RAD52: variants seen among roughly 807,000 people sequenced by gnomAD.
RAD52 encodes the protein DNA repair protein RAD52 homolog.
RAD52 carries 47 observed loss-of-function variants against 55.5 expected under a neutral mutation model. That is an observed-to-expected ratio of 0.85 (90% CI 0.67 to 1.08). The LOEUF (loss-of-function observed/expected upper bound fraction) is 1.08, where lower values mean the gene tolerates loss of function less well. Ranked by LOEUF, RAD52 falls within the 50% of genes least tolerant of loss-of-function variation. RAD52 has a pLI of 0.00. For synonymous variants in RAD52, 184 were observed against 198.9 expected (o/e 0.92, Z 0.63); for missense variants, 468 against 522.8 (o/e 0.90, Z 1.02).
At chr12:972,765 C>CAAA (rs780150903) in intron 1 of RAD52, among the ~76,000 whole-genome samples, 2,463 of 38,348 alleles carry the variant, frequency 0.064, 250 homozygotes, top group African/African-American at 0.21. Flanking sequence ...GACTCCGTCT[C>CAAA]AAAAAAAAAA....
intron 1 of RAD52, chr12:975,851 T>C (rs1958927919): frequency 6.6e-6 from 1 of 152,242 alleles, no homozygotes; most frequent in African/African-American, 2.4e-5. Flanking sequence ...TAGTTATCAT[T>C]ATCATCTTAT....
chr12:915,385 G>A (rs1230863601), intron 9 of RAD52, among the ~76,000 whole-genome samples: 1 of 152,294 alleles, frequency 6.6e-6, no homozygotes, highest in East Asian at 1.9e-4. Context: ...GTGCTGAGGG[G>A]CATATGAATG....
At position 925,436 on chromosome 12, in the gene RAD52, C is replaced by T. The variant is rs1956980535; in HGVS notation, c.543+14G>A. On this transcript the variant is annotated intron_variant, in intron 7 of 11. Transcript: ENST00000358495. Reference sequence around the variant, plus strand: ...CCGCATTATCTTCACTCCACTCATCCATGTCTGATATACCTGGCGTGGAAG... The same window carrying T: ...CCGCATTATCTTCACTCCACTCATCTATGTCTGATATACCTGGCGTGGAAG... The T allele has an allele frequency of 6.2e-7, 1 of 1,606,242 alleles. No individual in the cohort carries two copies. Among genetic ancestry groups the T allele is most frequent in the Admixed American group, 1.7e-5 (1 of 59,996 alleles).
chr12:916,303 T>G, intron 9 of RAD52, 41 bp downstream of exon 9: 1 of 1,595,756 alleles, frequency 6.3e-7, no homozygotes, highest in Non-Finnish European at 8.5e-7. Flanking sequence ...CACTTCCTCC[T>G]GCAGACGCCT....
At chr12:922,039 A>T (rs894457808) in intron 7 of RAD52, among the ~76,000 whole-genome samples, 1 of 151,876 alleles carries the variant, frequency 6.6e-6, no homozygotes, top group Non-Finnish European at 1.5e-5. Flanking sequence ...CCAGAGGCAG[A>T]GGTTGCAGTG....
At position 927,248 on chromosome 12, in the gene RAD52, C is replaced by A; in HGVS notation, c.364G>T (p.Glu122Ter). The change falls in exon 6 of 12, where the codon GAA becomes TAA. Residue 122 changes from glutamate (E) to a stop codon, truncating the protein, a stop_gained. Coordinates refer to ENST00000358495, the MANE Select transcript of RAD52 (RefSeq NM_134424.4). LOFTEE classifies it high-confidence loss of function. Reference sequence around the variant, plus strand: ...TCACTAACACCATAACCAACATCTTCATGATATGAACCATCCTGGGGGCAG... The same window carrying A: ...TCACTAACACCATAACCAACATCTTAATGATATGAACCATCCTGGGGGCAG... ...RVQLKDGSYH[E>*]DVGYGVSEGL... is the part of the protein sequence containing the mutation. 2 of 1,613,836 alleles carry A rather than the reference C, an allele frequency of 1.2e-6. No homozygotes were observed.
upstream of RAD52, among the ~76,000 whole-genome samples, chr12:954,588 C>T (rs569230925): frequency 1.4e-4 from 22 of 152,284 alleles, no homozygotes; most frequent in South Asian, 6.2e-4. Flanking sequence ...GAGCTGAGAT[C>T]GTGCTGCTGC....
rs1208319747 is a variant in RAD52, at chr12:912,734, AAAAAAAAAAAAC to A, written c.*645_*656del. 284 of 139,980 alleles carry A rather than the reference AAAAAAAAAAAAC, an allele frequency of 2.0e-3. 1 individual carries two copies. The highest frequency in any genetic ancestry group is 3.0e-3 in the Non-Finnish European group (190 of 64,048). The allele number at this position is 139,980 out of a possible 1,614,324, so 8.7% of individuals were successfully genotyped here. Reference sequence around the variant, plus strand: ...CCAGACCCCGTCTCAAAAAAAAAAAAAAAAAAAAAAACAAAAAACAGCCTTTTTTCGTGGTCT... The same window carrying A: ...CCAGACCCCGTCTCAAAAAAAAAAAAAAAAAACAGCCTTTTTTCGTGGTCT... On this transcript the variant is annotated 3_prime_UTR_variant, in exon 12 of 12. Coordinates refer to ENST00000358495, the MANE Select transcript of RAD52 (RefSeq NM_134424.4).
chr12:945,788 GC>G (rs1173118345), intron 1 of RAD52, among the ~76,000 whole-genome samples: 1 of 149,742 alleles, frequency 6.7e-6, no homozygotes, highest in Non-Finnish European at 1.5e-5. Flanking sequence ...ACTTTGGGAG[GC>G]CGAGGCAGGC....
intron 1 of RAD52, among the ~76,000 whole-genome samples, chr12:942,018 T>C (rs555278444): frequency 3.3e-5 from 5 of 152,322 alleles, no homozygotes; most frequent in South Asian, 4.1e-4. Context: ...TGTTTAGGTG[T>C]CATTTCTTTC....
At chr12:983,246 C>T (rs574780067) in intron 1 of RAD52, among the ~76,000 whole-genome samples, 1 of 152,136 alleles carries the variant, frequency 6.6e-6, no homozygotes, top group South Asian at 2.1e-4. Context: ...GTATTTATTA[C>T]AGCAGCACTC....
At chr12:924,118 G>A (rs926936846) in intron 7 of RAD52, among the ~76,000 whole-genome samples, 5 of 140,494 alleles carry the variant, frequency 3.6e-5, no homozygotes, top group Admixed American at 2.2e-4. Flanking sequence ...ATGCAAAAAT[G>A]CCTAACAAAG....
chr12:955,689 G>T (rs1328639851), intron 1 of RAD52, among the ~76,000 whole-genome samples: 1 of 151,998 alleles, frequency 6.6e-6, no homozygotes, highest in Non-Finnish European at 1.5e-5. Context: ...GGCCAGGCTG[G>T]TCTCGAGCTC....
At chr12:946,697 C>T (rs914506381) in intron 1 of RAD52, among the ~76,000 whole-genome samples, 2 of 152,152 alleles carry the variant, frequency 1.3e-5, no homozygotes, top group African/African-American at 4.8e-5. Flanking sequence ...CATGGCACTA[C>T]GTATACAGCC....
intron 9 of RAD52, 106 bp from the exon 10 acceptor site, chr12:914,638 CACA>C: frequency 7.4e-7 from 1 of 1,357,902 alleles, no homozygotes; most frequent in East Asian, 2.4e-5. Flanking sequence ...CTCTCCGAAG[CACA>C]ACACCGCTTA....
At position 935,406 on chromosome 12, in the gene RAD52, G is replaced by A. The variant is rs556079845; in HGVS notation, c.-18-2330C>T. ...TTTTTTTTTTTTTTTTTTTGTAAGC[G>A]TTTCGCTCTTGTCGCCTAGGCTGCC... On this transcript the variant is annotated intron_variant, in intron 1 of 11. Transcript: ENST00000358495. Among the ~76,000 whole-genome samples, 690 of 139,512 alleles carry A rather than the reference G, an allele frequency of 4.9e-3. 1 individual carries two copies. Among genetic ancestry groups the A allele is most frequent in the Non-Finnish European group, 8.2e-3 (536 of 65,656 alleles). The allele number at this position is 139,512 out of a possible 152,430, so 91.5% of individuals were successfully genotyped here.
rs1956226613 is a variant in RAD52 at position 914,000 on chromosome 12, C to T, written c.1089G>A (p.Gln363=). The part of the protein sequence containing the change: ...QTSDTLALNN[Q]MVTQNRTPHS... ...GTGGAGTCCTGTTCTGGGTCACCAT[C>T]TGGTTGTTCAAGGCTAATGTGTCAG... The change falls in exon 11 of 12, where the codon CAG becomes CAA. Residue 363 remains glutamine, a synonymous_variant. Coordinates refer to ENST00000358495, the MANE Select transcript of RAD52 (RefSeq NM_134424.4). 6.2e-7 allele frequency: 1 copy of T among 1,614,178 alleles called. No homozygotes were observed. Among genetic ancestry groups the T allele is most frequent in the African/African-American group, 1.3e-5 (1 of 75,028 alleles).
chr12:973,702 C>T (rs1306109035), intron 1 of RAD52, among the ~76,000 whole-genome samples: 1 of 151,556 alleles, frequency 6.6e-6, no homozygotes, highest in Admixed American at 6.6e-5. Flanking sequence ...TGGTCTCAAA[C>T]TCCTGGGCTC....
chr12:964,334 G>A (rs1201371634), intron 1 of RAD52, among the ~76,000 whole-genome samples: 2 of 152,142 alleles, frequency 1.3e-5, no homozygotes, highest in Non-Finnish European at 2.9e-5. Flanking sequence ...TTGGGAGGCC[G>A]AGTCAGGCAG....
Sources: allele counts gnomAD v4.1 joint callset (sites outside exome capture counted in the v4.1 genomes callset), GRCh38; gene constraint gnomAD v4.1.1; transcripts MANE v1.5; gene names NCBI Gene and HGNC (gene_info 2026-07-23, HGNC 2026-07-21).